Variants in TEX11 observed in about 807,000 individuals in gnomAD.
TEX11 encodes testis-expressed protein 11.
Under a neutral mutation model 84.4 loss-of-function variants are expected in TEX11, and 7 were observed. That is an observed-to-expected ratio of 0.08 (90% CI 0.05 to 0.16). TEX11 has a LOEUF of 0.16. Ranked by LOEUF, TEX11 falls within the 10% of genes least tolerant of loss-of-function variation. TEX11 has a pLI of 1.00. For synonymous variants in TEX11, 264 were observed against 222.8 expected, an observed-to-expected ratio of 1.18 and a Z score of -1.64; for missense variants, 551 against 660.5, an observed-to-expected ratio of 0.83 and a Z score of 1.82.
intron 9 of TEX11, among the ~76,000 whole-genome samples, chrX:70,788,040 C>T (rs1378974902): frequency 9.0e-6 from 1 of 110,726 alleles, no homozygotes; most frequent in Non-Finnish European, 1.9e-5. Context: ...GAAAGATACC[C>T]CATGTTCATG....
rs1175408403 is a variant in TEX11 at position 70,833,571 on chromosome X, T to C, written c.548A>G (p.Gln183Arg). ...AESAVAQGDF[Q>R]RASMCVLQCK... is the part of the protein sequence containing the mutation. ...TTGCAGTACACACATAGATGCTCTTTGAAAATCCCCTTGAGCAACTGCCTG... is the reference window on the plus strand; with the variant it reads ...TTGCAGTACACACATAGATGCTCTTCGAAAATCCCCTTGAGCAACTGCCTG... Residue 183 changes from glutamine to arginine, a missense_variant, in exon 8 of 30, where the codon CAA (glutamine) becomes CGA (arginine). By Grantham distance (43) the Gln-to-Arg change is conservative. Transcript: ENST00000374333. The C allele has an allele frequency of 8.3e-7, 1 of 1,204,016 alleles. No individual in the cohort carries two copies. Among genetic ancestry groups the C allele is most frequent in the Middle Eastern group, 2.3e-4 (1 of 4,330 alleles).
At chrX:70,810,999 G>A (rs949869092) in intron 8 of TEX11, among the ~76,000 whole-genome samples, 5 of 111,275 alleles carry the variant, frequency 4.5e-5, no homozygotes, top group Non-Finnish European at 7.5e-5. Flanking sequence ...AGAACATGTC[G>A]TTACAAATAT....
At chrX:70,557,771 C>G (rs910609863) in intron 25 of TEX11, among the ~76,000 whole-genome samples, 1 of 111,405 alleles carries the variant, frequency 9.0e-6, no homozygotes, top group African/African-American at 3.3e-5. Flanking sequence ...TATGGAAATT[C>G]AAGGGACCCA....
At position 70,572,769 on chromosome X, in the gene TEX11, C is replaced by T. The variant is rs2088619908; in HGVS notation, c.2141-17969G>A. Among the ~76,000 whole-genome samples the T allele has an allele frequency of 5.0e-5, 5 of 100,857 alleles. No homozygotes were observed. In the Admixed American group the frequency reaches 5.8e-4, roughly 12 times the overall value. The allele number at this position is 100,857 out of a possible 115,157, so 87.6% of individuals were successfully genotyped here. ...CGCAAGGACAAAAAACCAAGCACCGCATGTTCTCACTCATAGATGGGAATT... is the reference window on the plus strand; with the variant it reads ...CGCAAGGACAAAAAACCAAGCACCGTATGTTCTCACTCATAGATGGGAATT... On this transcript the variant is annotated intron_variant, in intron 25 of 29. Transcript: ENST00000374333.
At chrX:70,759,347 A>C (rs1436914218) in intron 9 of TEX11, among the ~76,000 whole-genome samples, 3 of 111,843 alleles carry the variant, frequency 2.7e-5, no homozygotes, top group African/African-American at 9.8e-5. Context: ...AGCCCTGCTG[A>C]ACATCGATGC....
In TEX11 at chrX:70,604,875, G is replaced by A. The variant is rs148314438; in HGVS notation, c.2067+526C>T. Among the ~76,000 whole-genome samples, 331 of 111,584 alleles carry A rather than the reference G, an allele frequency of 3.0e-3. 1 individual carries two copies. The highest frequency in any genetic ancestry group is 0.01 in the African/African-American group (309 of 30,788). ...CGGTGATATTGATAGCTCCTAAAAG[G>A]GGTAACATTTAAGAATCTGATAGGG... On this transcript the variant is annotated intron_variant, in intron 24 of 29. Transcript: ENST00000374333.
chrX:70,680,579 TAA>T (rs34908221), intron 14 of TEX11, among the ~76,000 whole-genome samples: 1,512 of 89,267 alleles, frequency 0.017, 28 homozygotes, highest in African/African-American at 0.057. Flanking sequence ...AATGATCAAT[TAA>T]AAAAAAAAAA....
At chrX:70,739,998 T>C (rs180944243) in intron 11 of TEX11, among the ~76,000 whole-genome samples, 136 of 111,864 alleles carry the variant, frequency 1.2e-3, no homozygotes, top group Non-Finnish European at 1.9e-3. Flanking sequence ...GAGCTGAAAG[T>C]CAACCACTGG....
At chrX:70,625,797 G>A (rs1357469976) in intron 18 of TEX11, among the ~76,000 whole-genome samples, 30 of 101,979 alleles carry the variant, frequency 2.9e-4, no homozygotes, top group African/African-American at 1.0e-3. Flanking sequence ...TTTTAAGATG[G>A]ATTCTTGCTC....
intron 7 of TEX11, among the ~76,000 whole-genome samples, chrX:70,839,303 G>A: frequency 9.0e-6 from 1 of 111,613 alleles, no homozygotes; most frequent in Middle Eastern, 4.2e-3. Context: ...TTCCAGAGGA[G>A]CGATCAGGCA....
At chrX:70,718,753 G>A (rs1023828493) in intron 13 of TEX11, among the ~76,000 whole-genome samples, 1 of 111,648 alleles carries the variant, frequency 9.0e-6, no homozygotes, top group African/African-American at 3.3e-5. Flanking sequence ...CCACACCCAA[G>A]GTCATTCTCC....
In TEX11 at chrX:70,616,486, A is replaced by T. The variant is rs1301931840; in HGVS notation, c.1752-5943T>A. 1.5e-4 allele frequency among the ~76,000 whole-genome samples: 17 copies of T among 111,947 alleles called. No homozygotes were observed. The Admixed American group carries it at 1.5e-3, about 10-fold the overall frequency. ...AACAAAGAAGTTAAATCATACCACC[A>T]GAGAAAAATCACCTTCACTAAAAGG... On this transcript the variant is annotated intron_variant, in intron 20 of 29. Coordinates refer to ENST00000374333, the MANE Select transcript of TEX11 (RefSeq NM_031276.3).
chrX:70,639,956 C>T (rs965290501), intron 17 of TEX11, among the ~76,000 whole-genome samples: 7 of 111,124 alleles, frequency 6.3e-5, no homozygotes, highest in African/African-American at 1.6e-4. Flanking sequence ...AGACTTCAGA[C>T]GATCAAATTA....
chrX:70,804,214 G>C (rs1211884947), intron 9 of TEX11, among the ~76,000 whole-genome samples: 1 of 111,487 alleles, frequency 9.0e-6, no homozygotes, highest in Non-Finnish European at 1.9e-5. Context: ...CTGTTTTCCA[G>C]GCATGTTACT....
chrX:70,719,610 C>T (rs1222898396), intron 13 of TEX11, among the ~76,000 whole-genome samples: 1 of 111,514 alleles, frequency 9.0e-6, no homozygotes, highest in Non-Finnish European at 1.9e-5. Context: ...AAAATTTTTG[C>T]AATCTACTCA....
At chrX:70,819,626 G>A (rs1209139831) in intron 8 of TEX11, among the ~76,000 whole-genome samples, 1 of 110,770 alleles carries the variant, frequency 9.0e-6, no homozygotes, top group Non-Finnish European at 1.9e-5. Context: ...CAAATGAGAA[G>A]GAAGGGTAAA....
intron 7 of TEX11, among the ~76,000 whole-genome samples, chrX:70,849,608 C>T (rs907453095): frequency 1.3e-4 from 14 of 111,636 alleles, no homozygotes; most frequent in Non-Finnish European, 2.4e-4. Flanking sequence ...TTATCAAACA[C>T]CGCTATTAAC....
At chrX:70,813,617 A>G (rs879023916) in intron 8 of TEX11, among the ~76,000 whole-genome samples, 1 of 111,326 alleles carries the variant, frequency 9.0e-6, no homozygotes, top group African/African-American at 3.3e-5. Context: ...GGCAGGAGAA[A>G]GAAATAAAGG....
chrX:70,579,530 A>AAAAAAAAAAAAAAAAAAAAAAAAAAAC (rs2088739759), intron 25 of TEX11, among the ~76,000 whole-genome samples: 1 of 103,139 alleles, frequency 9.7e-6, no homozygotes, highest in African/African-American at 3.5e-5. Context: ...AAAAAAAAAA[A>AAAAAAAAAAAAAAAAAAAAAAAAAAAC]AAAACAAAAA....
Sources: gnomAD v4.1 joint callset for allele counts (sites outside exome capture counted in the v4.1 genomes callset) on GRCh38, gnomAD v4.1.1 for gene constraint, MANE v1.5 for transcripts, NCBI Gene and HGNC (gene_info 2026-07-23, HGNC 2026-07-21) for gene names.